Variants in DOCK3 observed in about 807,000 individuals in gnomAD.
DOCK3 encodes the protein dedicator of cytokinesis protein 3.
In DOCK3, 60 loss-of-function variants were observed where a neutral mutation model predicts 265.6. That is an observed-to-expected ratio of 0.23 (90% CI 0.18 to 0.28). The LOEUF is 0.28. DOCK3 is among the 10% of genes least tolerant of loss of function. The probability of loss-of-function intolerance (pLI) is 1.00; values close to 1 mark genes in which losing one functional copy is unlikely to be tolerated. For missense variants in DOCK3, 1,981 were observed against 2,594.3 expected (o/e 0.76, Z 5.14); for synonymous variants, 881 against 938.0 (o/e 0.94, Z 1.11).
At chr3:51,055,003 A>G (rs202187387) in intron 5 of DOCK3, among the ~76,000 whole-genome samples, 1 of 152,094 alleles carries the variant, frequency 6.6e-6, no homozygotes, top group Admixed American at 6.6e-5. Flanking sequence ...GTCCATTCAT[A>G]TTTAAGAATG....
At chr3:51,248,867 C>A (rs1412023952) in intron 22 of DOCK3, among the ~76,000 whole-genome samples, 2 of 139,362 alleles carry the variant, frequency 1.4e-5, no homozygotes, top group South Asian at 4.7e-4. Flanking sequence ...ATGTGAGGAG[C>A]GCCTCTGCCC....
At chr3:50,987,926 A>G (rs771828542) in intron 5 of DOCK3, among the ~76,000 whole-genome samples, 8 of 152,224 alleles carry the variant, frequency 5.3e-5, no homozygotes, top group East Asian at 1.9e-4. Context: ...TAAAGCATTC[A>G]TGGAGACCCT....
chr3:51,137,366 A>G (rs1187154732), intron 9 of DOCK3, among the ~76,000 whole-genome samples: 1 of 152,200 alleles, frequency 6.6e-6, no homozygotes, highest in Non-Finnish European at 1.5e-5. Context: ...CGAATGAGGA[A>G]CATAAAGATT....
intron 5 of DOCK3, among the ~76,000 whole-genome samples, chr3:51,007,332 T>A (rs1324461448): frequency 2.0e-5 from 3 of 152,124 alleles, no homozygotes; most frequent in South Asian, 2.1e-4. Flanking sequence ...GGTGTGAGAT[T>A]GTATCTCATT....
intron 3 of DOCK3, among the ~76,000 whole-genome samples, chr3:50,883,271 AAAAG>A (rs1344187522): frequency 6.6e-6 from 1 of 152,192 alleles, no homozygotes; most frequent in Admixed American, 6.5e-5. Flanking sequence ...TATTAAAAAA[AAAAG>A]GCCATTTTGC....
intron 2 of DOCK3, among the ~76,000 whole-genome samples, chr3:50,789,485 T>G (rs1012500748): frequency 1.3e-5 from 2 of 152,198 alleles, no homozygotes; most frequent in Admixed American, 6.5e-5. Context: ...AAATATCTGT[T>G]AAGTCCATTT....
intron 4 of DOCK3, among the ~76,000 whole-genome samples, chr3:50,908,734 C>T (rs999440563): frequency 6.6e-6 from 1 of 152,058 alleles, no homozygotes; most frequent in African/African-American, 2.4e-5. Flanking sequence ...CGATCAGGTT[C>T]GCTTGATCCA....
At chr3:51,253,495 G>A (rs1375007385) in intron 22 of DOCK3, among the ~76,000 whole-genome samples, 8 of 152,046 alleles carry the variant, frequency 5.3e-5, no homozygotes, top group Admixed American at 5.2e-4. Context: ...GTCTAGTCCT[G>A]GACTTTTTTT....
chr3:50,946,356 T>C (rs184756119), intron 5 of DOCK3, among the ~76,000 whole-genome samples: 1 of 152,304 alleles, frequency 6.6e-6, no homozygotes, highest in East Asian at 1.9e-4. Flanking sequence ...AAGATATATT[T>C]TGTACATAAC....
At chr3:51,090,533 TC>T (rs1323398208) in intron 9 of DOCK3, 149 bp downstream of exon 9, 4 of 844,426 alleles carry the variant, frequency 4.7e-6, no homozygotes, top group Admixed American at 3.5e-5. Flanking sequence ...TGGCCCCAAT[TC>T]CCTGTGTGCC....
At chr3:50,876,327 G>T (rs776510605) in intron 3 of DOCK3, among the ~76,000 whole-genome samples, 79 of 151,668 alleles carry the variant, frequency 5.2e-4, no homozygotes, top group Non-Finnish European at 6.9e-4. Flanking sequence ...TATCTTTCTT[G>T]CCTAATAAAG....
intron 2 of DOCK3, among the ~76,000 whole-genome samples, chr3:50,826,402 A>G (rs972991062): frequency 6.6e-6 from 1 of 152,190 alleles, no homozygotes; most frequent in African/African-American, 2.4e-5. Context: ...GGTCTCCACA[A>G]CAAATGATAC....
At position 50,897,070 on chromosome 3, in the gene DOCK3, T is replaced by C. The variant is rs968453030; in HGVS notation, c.218+6989T>C. Among the ~76,000 whole-genome samples, 10 of 152,188 alleles carry C rather than the reference T, an allele frequency of 6.6e-5. No homozygotes were observed. In the South Asian group the frequency reaches 2.1e-3, roughly 32 times the overall value. On this transcript the variant is annotated intron_variant, in intron 4 of 52. Coordinates refer to ENST00000266037, the MANE Select transcript of DOCK3 (RefSeq NM_004947.5). Reference sequence around the variant, plus strand: ...GATGACACTGACTCTATAAATTACTTTGGGCAGTATGGCCATTTTCATGAT... The same window carrying C: ...GATGACACTGACTCTATAAATTACTCTGGGCAGTATGGCCATTTTCATGAT...
intron 12 of DOCK3, among the ~76,000 whole-genome samples, chr3:51,177,907 C>T (rs1252103661): frequency 2.0e-5 from 3 of 151,804 alleles, no homozygotes; most frequent in Non-Finnish European, 4.4e-5. Flanking sequence ...AAGATAATCA[C>T]TTGAACCTGG....
chr3:50,929,369 G>A (rs1220029396), intron 4 of DOCK3, among the ~76,000 whole-genome samples: 1 of 152,172 alleles, frequency 6.6e-6, no homozygotes, highest in Non-Finnish European at 1.5e-5. Flanking sequence ...GCTGAAGTGG[G>A]GAGGGGGCTG....
At chr3:51,003,266 G>A (rs1482006719) in intron 5 of DOCK3, among the ~76,000 whole-genome samples, 1 of 152,194 alleles carries the variant, frequency 6.6e-6, no homozygotes, top group Non-Finnish European at 1.5e-5. Flanking sequence ...AGCAGAAAGT[G>A]TGTCCAGCCT....
chr3:50,890,443 A>G (rs916156189), intron 4 of DOCK3, among the ~76,000 whole-genome samples: 3 of 152,080 alleles, frequency 2.0e-5, no homozygotes, highest in Non-Finnish European at 4.4e-5. Context: ...TTTTATTTGC[A>G]AGTTGAAATT....
chr3:50,887,089 A>G (rs879181028), intron 3 of DOCK3, among the ~76,000 whole-genome samples: 1 of 152,044 alleles, frequency 6.6e-6, no homozygotes, highest in Non-Finnish European at 1.5e-5. Flanking sequence ...TTTTTTGAAA[A>G]GATCAACAAA....
chr3:50,848,494 A>G (rs943343863), intron 3 of DOCK3, among the ~76,000 whole-genome samples: 1 of 152,134 alleles, frequency 6.6e-6, no homozygotes, highest in Non-Finnish European at 1.5e-5. Context: ...GTGGTAACAA[A>G]TTTCCTTAGT....
Sources: allele counts gnomAD v4.1 joint callset (sites outside exome capture counted in the v4.1 genomes callset), GRCh38; gene constraint gnomAD v4.1.1; transcripts MANE v1.5; gene names NCBI Gene and HGNC (gene_info 2026-07-23, HGNC 2026-07-21).